The following MAST2 variants were observed in gnomAD, a reference collection of about 807,000 sequenced individuals.
The protein encoded by MAST2 is microtubule-associated serine/threonine-protein kinase 2.
A neutral mutation model predicts 147.4 loss-of-function variants in MAST2; 70 were observed. That is an observed-to-expected ratio of 0.47 (90% CI 0.39 to 0.58). MAST2 has a LOEUF of 0.58. MAST2 is among the 20% of genes least tolerant of loss of function. MAST2 has a pLI of 0.00. For synonymous variants in MAST2, 869 were observed against 896.8 expected, an observed-to-expected ratio of 0.97 and a Z score of 0.55; for missense variants, 2,080 against 2,302.3, an observed-to-expected ratio of 0.90 and a Z score of 1.98.
At chr1:45,938,520 T>A (rs1656635287) in intron 4 of MAST2, among the ~76,000 whole-genome samples, 1 of 151,994 alleles carries the variant, frequency 6.6e-6, no homozygotes, top group Non-Finnish European at 1.5e-5. Context: ...AGAGATGAGG[T>A]CTCACCATGT....
In MAST2 at chr1:46,035,901, C is replaced by T. The variant is rs1238702435; in HGVS notation, c.5232C>T (p.Thr1744=). 6.2e-7 allele frequency: 1 copy of T among 1,613,926 alleles called. No homozygotes were observed. The highest frequency in any genetic ancestry group is 1.3e-5 in the African/African-American group (1 of 74,880). Residue 1744 remains threonine (T), a synonymous_variant, in exon 29 of 29, where the codon ACC becomes ACT. Transcript: ENST00000361297. The surrounding 1 kb of genome is among the most constrained non-coding windows in gnomAD (Gnocchi z 5.5). The part of the protein sequence containing the change: ...AVKEDPALSI[T]QVPDASGDRR... The stretch of plus-strand genomic sequence containing the variant: ...AAGAGGATCCAGCCCTGAGCATCAC[C>T]CAAGTGCCTGATGCCTCAGGTGACA...
chr1:45,985,515 G>A (rs187025969), intron 5 of MAST2, among the ~76,000 whole-genome samples: 1 of 152,314 alleles, frequency 6.6e-6, no homozygotes, highest in East Asian at 1.9e-4. Flanking sequence ...AACCACTGAT[G>A]TGCTTTTTGT....
chr1:45,902,598 C>T (rs192898504), intron 4 of MAST2, among the ~76,000 whole-genome samples: 6 of 150,930 alleles, frequency 4.0e-5, no homozygotes, highest in Admixed American at 4.0e-4. Context: ...GCTGTGAATC[C>T]TTCTGGTCCT....
intron 3 of MAST2, among the ~76,000 whole-genome samples, chr1:45,835,419 A>G (rs1402261215): frequency 6.6e-6 from 1 of 152,178 alleles, no homozygotes; most frequent in Admixed American, 6.5e-5. Flanking sequence ...AGTCATGATT[A>G]CCAATAACCA....
intron 3 of MAST2, among the ~76,000 whole-genome samples, chr1:45,839,518 C>T (rs1645210225): frequency 6.6e-6 from 1 of 152,124 alleles, no homozygotes; most frequent in African/African-American, 2.4e-5. Context: ...AGCAATCCTC[C>T]TGCCCTGGCC....
intron 1 of MAST2, among the ~76,000 whole-genome samples, chr1:45,813,785 C>G (rs573437120): frequency 3.9e-5 from 6 of 152,156 alleles, no homozygotes; most frequent in African/African-American, 1.4e-4. Context: ...AGGCATGAAC[C>G]ACTGCGCCTG....
intron 4 of MAST2, among the ~76,000 whole-genome samples, chr1:45,940,312 T>A (rs906901274): frequency 2.4e-4 from 37 of 152,030 alleles, no homozygotes; most frequent in African/African-American, 8.5e-4. Flanking sequence ...TTTTAAAATT[T>A]TCTTTTAGTG....
At chr1:45,904,932 C>G (rs1032873994) in intron 4 of MAST2, among the ~76,000 whole-genome samples, 1 of 152,040 alleles carries the variant, frequency 6.6e-6, no homozygotes, top group Non-Finnish European at 1.5e-5. Context: ...CTCAGACTCT[C>G]AAGTAGCTGG....
At chr1:45,952,954 T>C (rs776081463) in intron 4 of MAST2, among the ~76,000 whole-genome samples, 21 of 152,296 alleles carry the variant, frequency 1.4e-4, no homozygotes, top group Middle Eastern at 3.4e-3. Flanking sequence ...CAAGCAATTA[T>C]TGTATAAAAT....
intron 4 of MAST2, among the ~76,000 whole-genome samples, chr1:45,922,904 C>T (rs1297087207): frequency 1.3e-5 from 2 of 152,214 alleles, no homozygotes; most frequent in Admixed American, 1.3e-4. Flanking sequence ...CGCATCGAGT[C>T]TGGTGCTCCT....
chr1:45,824,974 G>A (rs541747998), intron 2 of MAST2, among the ~76,000 whole-genome samples: 96 of 152,322 alleles, frequency 6.3e-4, no homozygotes, highest in African/African-American at 2.2e-3. Flanking sequence ...ATTATACGAA[G>A]AAGTCACAGT....
chr1:46,027,690 AC>A (rs1180647323), intron 16 of MAST2, 40 bp from the exon 17 acceptor site: 1 of 1,593,728 alleles, frequency 6.3e-7, no homozygotes, highest in Non-Finnish European at 8.6e-7. Flanking sequence ...CTCTCAGAAA[AC>A]CAGGAATAAC....
intron 4 of MAST2, among the ~76,000 whole-genome samples, chr1:45,949,530 C>T (rs1658614269): frequency 6.6e-6 from 1 of 152,156 alleles, no homozygotes; most frequent in Non-Finnish European, 1.5e-5. Flanking sequence ...TATCATTTCA[C>T]ACCAGTCAGA....
chr1:45,870,115 G>A (rs939525569), intron 3 of MAST2, among the ~76,000 whole-genome samples: 1 of 152,220 alleles, frequency 6.6e-6, no homozygotes, highest in South Asian at 2.1e-4. Context: ...GTAGAGACAG[G>A]CTTTTGCCAT....
At chr1:46,014,717 A>G (rs1275464985) in intron 10 of MAST2, among the ~76,000 whole-genome samples, 11 of 152,012 alleles carry the variant, frequency 7.2e-5, no homozygotes, top group Non-Finnish European at 1.2e-4. Context: ...CTCCCACACA[A>G]TAATAATGGG....
chr1:45,909,792 A>C (rs1327851265), intron 4 of MAST2, among the ~76,000 whole-genome samples: 1 of 152,162 alleles, frequency 6.6e-6, no homozygotes, highest in African/African-American at 2.4e-5. Flanking sequence ...CTGGGATTAC[A>C]GGCGTGAGCC....
Position 46,022,871 on chromosome 1 carries a change from A to T in MAST2, c.1424-39A>T, listed in dbSNP as rs76782645. The T allele has an allele frequency of 4.4e-4, 677 of 1,536,366 alleles. 8 individuals carry two copies. The East Asian group carries it at 0.011, about 24-fold the overall frequency. On this transcript the variant is annotated intron_variant, in intron 12 of 28. Coordinates refer to ENST00000361297, the MANE Select transcript of MAST2 (RefSeq NM_015112.3). ...TGAGGATACTGCTGAGATACCTGACATTGCCACGCACATTCTTCTCTTGTA... is the reference window on the plus strand; with the variant it reads ...TGAGGATACTGCTGAGATACCTGACTTTGCCACGCACATTCTTCTCTTGTA...
chr1:45,882,762 C>G (rs943261125), intron 4 of MAST2, among the ~76,000 whole-genome samples: 1 of 152,186 alleles, frequency 6.6e-6, no homozygotes, highest in Non-Finnish European at 1.5e-5. Flanking sequence ...TTACATCTAT[C>G]CGGTAACATG....
At chr1:45,934,168 G>T (rs11211228) in intron 4 of MAST2, among the ~76,000 whole-genome samples, 1 of 151,864 alleles carries the variant, frequency 6.6e-6, no homozygotes, top group Non-Finnish European at 1.5e-5. Context: ...AGAACATGGA[G>T]TAATTGGTTT....
Sources: gnomAD v4.1 joint callset for allele counts (sites outside exome capture counted in the v4.1 genomes callset) on GRCh38, gnomAD v4.1.1 for gene constraint, Gnocchi (gnomAD v3.1) non-coding constraint, MANE v1.5 for transcripts, NCBI Gene and HGNC (gene_info 2026-07-23, HGNC 2026-07-21) for gene names.